Variants in GPM6A observed in about 807,000 individuals in gnomAD.
GPM6A encodes the protein glycoprotein M6A.
GPM6A carries 7 observed loss-of-function variants against 32.1 expected under a neutral mutation model. The observed-to-expected ratio is 0.22, with a 90% CI of 0.12 to 0.41. The LOEUF (loss-of-function observed/expected upper bound fraction) is 0.41, where lower values mean the gene tolerates loss of function less well. Ranked by LOEUF, GPM6A falls within the 10% of genes least tolerant of loss-of-function variation. The probability of loss-of-function intolerance (pLI) is 1.00; values close to 1 mark genes in which losing one functional copy is unlikely to be tolerated. For synonymous variants in GPM6A, 130 were observed against 123.4 expected (o/e 1.05, Z -0.35); for missense variants, 235 against 347.2 (o/e 0.68, Z 2.57).
chr4:175,994,492 T>C (rs1741243698), intron 1 of GPM6A, among the ~76,000 whole-genome samples: 1 of 152,332 alleles, frequency 6.6e-6, no homozygotes, highest in Middle Eastern at 3.4e-3. Context: ...TACACTATGC[T>C]AAATTCTATA....
chr4:175,793,445 C>T (rs568515819), intron 1 of GPM6A, among the ~76,000 whole-genome samples: 19 of 152,198 alleles, frequency 1.2e-4, no homozygotes, highest in African/African-American at 4.1e-4. Flanking sequence ...GGCGCGATCT[C>T]GGCTCACTGC....
chr4:175,853,807 CTT>C (rs1241085810), intron 1 of GPM6A, among the ~76,000 whole-genome samples: 1 of 152,074 alleles, frequency 6.6e-6, no homozygotes, highest in Non-Finnish European at 1.5e-5. Flanking sequence ...AAAATAAAAA[CTT>C]TAAGCCTTCT....
intron 1 of GPM6A, among the ~76,000 whole-genome samples, chr4:175,747,629 C>T (rs1363462123): frequency 1.3e-5 from 2 of 152,094 alleles, no homozygotes; most frequent in Non-Finnish European, 2.9e-5. Flanking sequence ...ATTTAAAAAT[C>T]CTTCCTAAAA....
chr4:176,000,594 TTTA>T (rs1741447335), intron 1 of GPM6A, among the ~76,000 whole-genome samples: 1 of 152,180 alleles, frequency 6.6e-6, no homozygotes, highest in Non-Finnish European at 1.5e-5. Context: ...TTCTAGACAT[TTTA>T]TTATGTTGGA....
intron 2 of GPM6A, among the ~76,000 whole-genome samples, chr4:175,698,254 A>C (rs910766908): frequency 2.6e-5 from 4 of 152,172 alleles, no homozygotes; most frequent in African/African-American, 9.7e-5. Context: ...CAAGTATATA[A>C]TGTAGGAGTG....
chr4:175,904,667 A>G (rs1261555264), intron 1 of GPM6A, among the ~76,000 whole-genome samples: 1 of 152,134 alleles, frequency 6.6e-6, no homozygotes, highest in Non-Finnish European at 1.5e-5. Flanking sequence ...AGTATCTTGA[A>G]AAAGATAATG....
At chr4:175,881,985 A>G (rs1235690756) in intron 1 of GPM6A, among the ~76,000 whole-genome samples, 3 of 152,076 alleles carry the variant, frequency 2.0e-5, no homozygotes, top group African/African-American at 7.2e-5. Flanking sequence ...AAGTTAAAAT[A>G]TAATAAAAAA....
intron 1 of GPM6A, among the ~76,000 whole-genome samples, chr4:175,912,888 A>ATCATTATCATGT (rs1387954791): frequency 6.6e-6 from 1 of 152,208 alleles, no homozygotes; most frequent in Non-Finnish European, 1.5e-5. Flanking sequence ...AATGTTAGGT[A>ATCATTATCATGT]TCATTATCAT....
intron 2 of GPM6A, among the ~76,000 whole-genome samples, chr4:175,691,674 G>A (rs1744306633): frequency 1.3e-5 from 2 of 152,076 alleles, no homozygotes; most frequent in Admixed American, 6.6e-5. Context: ...TTGTTCAGTG[G>A]TAGGAAGACT....
At chr4:175,819,250 C>T (rs748935601) in intron 1 of GPM6A, among the ~76,000 whole-genome samples, 2 of 152,122 alleles carry the variant, frequency 1.3e-5, no homozygotes, top group Non-Finnish European at 2.9e-5. Flanking sequence ...CAAGCTGATT[C>T]TCTGTGGTCA....
intron 1 of GPM6A, among the ~76,000 whole-genome samples, chr4:175,988,164 T>C (rs113924328): frequency 2.5e-3 from 388 of 152,274 alleles, no homozygotes; most frequent in African/African-American, 8.8e-3. Flanking sequence ...AATGAACTTT[T>C]TGTAAATATT....
chr4:175,882,973 TA>T (rs1183133853), intron 1 of GPM6A, among the ~76,000 whole-genome samples: 3 of 152,102 alleles, frequency 2.0e-5, no homozygotes, highest in African/African-American at 4.8e-5. Context: ...TGTAAATTTT[TA>T]AAACTCATGA....
chr4:175,988,068 C>G (rs1293396829), intron 1 of GPM6A, among the ~76,000 whole-genome samples: 1 of 152,062 alleles, frequency 6.6e-6, no homozygotes, highest in Non-Finnish European at 1.5e-5. Context: ...CCCAAATCTA[C>G]CTTTATCTAG....
intron 1 of GPM6A, among the ~76,000 whole-genome samples, chr4:175,886,676 C>A (rs927121438): frequency 5.4e-5 from 8 of 149,128 alleles, no homozygotes; most frequent in African/African-American, 1.7e-4. Context: ...CAACGAAATA[C>A]AACAGAGAAA....
chr4:175,874,178 C>T (rs773851542), intron 1 of GPM6A, among the ~76,000 whole-genome samples: 4 of 152,038 alleles, frequency 2.6e-5, no homozygotes, highest in Non-Finnish European at 5.9e-5. Flanking sequence ...CTTCATGTTC[C>T]GCAGGTCAAT....
At chr4:175,742,177 A>C (rs1731913472) in intron 1 of GPM6A, among the ~76,000 whole-genome samples, 1 of 152,150 alleles carries the variant, frequency 6.6e-6, no homozygotes, top group African/African-American at 2.4e-5. Flanking sequence ...TAATACCCAA[A>C]TACTCATATT....
At chr4:175,746,703 T>TA (rs1218740323) in intron 1 of GPM6A, among the ~76,000 whole-genome samples, 3 of 152,236 alleles carry the variant, frequency 2.0e-5, no homozygotes, top group African/African-American at 4.8e-5. Context: ...GATTTGGTCT[T>TA]AAAAAAACAA....
chr4:175,740,011 A>T (rs1178885883), intron 1 of GPM6A, among the ~76,000 whole-genome samples: 3 of 152,082 alleles, frequency 2.0e-5, no homozygotes, highest in Non-Finnish European at 4.4e-5. Flanking sequence ...TATTTGACCA[A>T]TACTTTGCTA....
chr4:175,802,929 T>G (rs1339293054), intron 1 of GPM6A, among the ~76,000 whole-genome samples: 1 of 152,072 alleles, frequency 6.6e-6, no homozygotes, highest in Non-Finnish European at 1.5e-5. Flanking sequence ...CTGAATATAT[T>G]TCAGGTCAAA....
Sources: allele counts gnomAD v4.1 joint callset (sites outside exome capture counted in the v4.1 genomes callset), GRCh38; gene constraint gnomAD v4.1.1; transcripts MANE v1.5; gene names NCBI Gene and HGNC (gene_info 2026-07-23, HGNC 2026-07-21).